Variants in KLK6 observed in about 807,000 individuals in gnomAD.
KLK6 encodes kallikrein related peptidase 6, also known as kallikrein-6.
A neutral mutation model predicts 21.7 loss-of-function variants in KLK6; 16 were observed. That is an observed-to-expected ratio of 0.74 (90% CI 0.50 to 1.12). The LOEUF is 1.12. Ranked by LOEUF, KLK6 falls within the 50% of genes most tolerant of loss-of-function variation. KLK6 has a pLI of 0.00. For synonymous variants in KLK6, 116 were observed against 120.1 expected, an observed-to-expected ratio of 0.97 and a Z score of 0.22; for missense variants, 276 against 304.6, an observed-to-expected ratio of 0.91 and a Z score of 0.70.
At chr19:50,967,146 G>T in intron 4 of KLK6, 23 bp downstream of exon 4, 1 of 1,613,694 alleles carries the variant, frequency 6.2e-7, no homozygotes, top group Non-Finnish European at 8.5e-7. Flanking sequence ...CGCATCTGCT[G>T]TTCATTTACA....
chr19:50,961,942 T>C lies in KLK6; in HGVS notation c.446-62A>G, dbSNP rs957000088. The C allele has an allele frequency of 2.6e-6, 4 of 1,538,756 alleles. No homozygotes were observed. The African/African-American group carries it at 6.0e-5, about 23-fold the overall frequency. ...CTTGCACTCCCCTCATCCTCCCCAG[T>C]CACCCCCCAACCCCTATAAGTCCTC... On this transcript the variant is annotated intron_variant, in intron 5 of 6. Transcript: ENST00000310157.
chr19:50,968,160 C>T (rs1486396984), intron 2 of KLK6, 48 bp from the exon 3 acceptor site: 2 of 1,539,728 alleles, frequency 1.3e-6, no homozygotes, highest in Admixed American at 3.3e-5. Flanking sequence ...TCGACCCTCC[C>T]CCCATCCCTC....
At chr19:50,966,340 A>G (rs2090925297) in intron 4 of KLK6, among the ~76,000 whole-genome samples, 1 of 152,150 alleles carries the variant, frequency 6.6e-6, no homozygotes, top group Non-Finnish European at 1.5e-5. Flanking sequence ...TCAGTCTCAG[A>G]ATTCCACATC....
intron 4 of KLK6, among the ~76,000 whole-genome samples, chr19:50,964,528 G>A (rs1336942364): frequency 6.6e-6 from 1 of 152,170 alleles, no homozygotes; most frequent in East Asian, 1.9e-4. Context: ...CTGAGTACTT[G>A]AAATGTGGCT....
chr19:50,961,734 G>A lies in KLK6; in HGVS notation c.582+10C>T. On this transcript the variant is annotated intron_variant, in intron 6 of 6. Transcript: ENST00000310157. ...CTGGCTGTGTAAGTGGCAGATCCGGGTCACCTCACCTGGCAGGAATCCTTC... is the reference window on the plus strand; with the variant it reads ...CTGGCTGTGTAAGTGGCAGATCCGGATCACCTCACCTGGCAGGAATCCTTC... 1 of 1,612,006 alleles carries A rather than the reference G, an allele frequency of 6.2e-7. No homozygotes were observed. The highest frequency in any genetic ancestry group is 8.5e-7 in the Non-Finnish European group (1 of 1,178,940).
At chr19:50,966,165 C>T (rs919656013) in intron 4 of KLK6, among the ~76,000 whole-genome samples, 1 of 152,170 alleles carries the variant, frequency 6.6e-6, no homozygotes, top group African/African-American at 2.4e-5. Flanking sequence ...GTGGCTAAAG[C>T]AAAATGTCAG....
intron 4 of KLK6, among the ~76,000 whole-genome samples, chr19:50,966,475 G>A (rs1444612421): frequency 6.6e-6 from 1 of 152,220 alleles, no homozygotes; most frequent in Non-Finnish European, 1.5e-5. Flanking sequence ...CCCAGACCAC[G>A]TTCCACGTGG....
At chr19:50,964,249 T>C (rs2090892365) in intron 4 of KLK6, among the ~76,000 whole-genome samples, 1 of 152,210 alleles carries the variant, frequency 6.6e-6, no homozygotes, top group South Asian at 2.1e-4. Context: ...TTCCTTTAAA[T>C]GTCGCCTCTC....
In KLK6 at chr19:50,968,114, T is replaced by G; in HGVS notation, c.-8-2A>C. Reference sequence around the variant, plus strand: ...CCATCAGCTTCTTCATGGCCGCTCCTGAGAGGGGAAGCCACATGGTCCATT... The same window carrying G: ...CCATCAGCTTCTTCATGGCCGCTCCGGAGAGGGGAAGCCACATGGTCCATT... On this transcript the variant is annotated splice_acceptor_variant, in intron 2 of 6. Coordinates refer to ENST00000310157, the MANE Select transcript of KLK6 (RefSeq NM_002774.4). LOFTEE classifies it low-confidence loss of function (5UTR_SPLICE). 1 of 1,613,960 alleles carries G rather than the reference T, an allele frequency of 6.2e-7. No individual in the cohort carries two copies. Among genetic ancestry groups the G allele is most frequent in the Non-Finnish European group, 8.5e-7 (1 of 1,179,876 alleles).
chr19:50,961,968 C>A, intron 5 of KLK6, 88 bp from the exon 6 acceptor site: 1 of 1,423,094 alleles, frequency 7.0e-7, no homozygotes. Flanking sequence ...ATAAGTCCTC[C>A]ATCCTCTATT....
chr19:50,966,850 T>G (rs2090934247), intron 4 of KLK6, among the ~76,000 whole-genome samples: 2 of 152,120 alleles, frequency 1.3e-5, no homozygotes, highest in African/African-American at 4.8e-5. Context: ...CTTCCTACTG[T>G]GCTCAGAATT....
intron 6 of KLK6, 80 bp from the exon 7 acceptor site, chr19:50,959,396 TG>T (rs1226244163): frequency 2.5e-5 from 29 of 1,172,420 alleles, no homozygotes; most frequent in African/African-American, 3.5e-5. Flanking sequence ...TGTGTGTGTG[TG>T]TGTGTGTGTG....
Position 50,959,013 on chromosome 19 carries a change from C to G in KLK6, c.*151G>C, listed in dbSNP as rs769199720. 9.9e-5 allele frequency: 80 copies of G among 809,590 alleles called. No homozygotes were observed. Among genetic ancestry groups the G allele is most frequent in the Non-Finnish European group, 6.7e-5 (33 of 490,308 alleles). The allele number at this position is 809,590 out of a possible 1,614,324, so 50.2% of individuals were successfully genotyped here. ...TGCAAGGATGGAGCTGGGGTAAAAC[C>G]AGGGAGAATCAGGACCCTCACGTCG... is the stretch of plus-strand genomic sequence containing the variant. On this transcript the variant is annotated 3_prime_UTR_variant, in exon 7 of 7. Coordinates refer to ENST00000310157, the MANE Select transcript of KLK6 (RefSeq NM_002774.4).
rs564163261 is a variant in KLK6, at chr19:50,965,094, TTTTG to T, written c.198-1549_198-1546del. Among the ~76,000 whole-genome samples, 157 of 152,314 alleles carry T rather than the reference TTTTG, an allele frequency of 1.0e-3. 2 individuals carry two copies. Among genetic ancestry groups the T allele is most frequent in the African/African-American group, 3.6e-3 (148 of 41,580 alleles). ...TATGGGGTTTTGAAGGGTTTGCTTC[TTTTG>T]TTTGTTTGTTTTTTTGAGACAGGGT... On this transcript the variant is annotated intron_variant, in intron 4 of 6. Coordinates refer to ENST00000310157, the MANE Select transcript of KLK6 (RefSeq NM_002774.4).
In KLK6 at chr19:50,967,342, C is replaced by G; in HGVS notation, c.41-17G>C. The G allele has an allele frequency of 1.3e-6, 2 of 1,583,762 alleles. No homozygotes were observed. Among genetic ancestry groups the G allele is most frequent in the Admixed American group, 1.8e-5 (1 of 56,578 alleles). ...CTGCCCAGGCTGAGGGAGAGAAGAT[C>G]TGAGTCAGAGAGGAGTTCTGGAGAA... On this transcript the variant is annotated splice_polypyrimidine_tract_variant and intron_variant, in intron 3 of 6. Transcript: ENST00000310157.
chr19:50,959,081 AG>A lies in KLK6; in HGVS notation c.*82del. On this transcript the variant is annotated 3_prime_UTR_variant, in exon 7 of 7. Transcript: ENST00000310157. ...CAGGGTCAGAGCTGGGCAGGAGAGG[AG>A]GGGAGGCAAGGTCTAGGTGAGAGAC... is the stretch of plus-strand genomic sequence containing the variant. 1.4e-6 allele frequency: 2 copies of A among 1,462,826 alleles called. No individual in the cohort carries two copies. The highest frequency in any genetic ancestry group is 1.2e-5 in the South Asian group (1 of 85,006). 90.6% of individuals were successfully genotyped at this position (1,462,826 alleles called of 1,614,324 possible).
chr19:50,966,494 G>A (rs1355280444), intron 4 of KLK6, among the ~76,000 whole-genome samples: 2 of 152,196 alleles, frequency 1.3e-5, no homozygotes, highest in African/African-American at 4.8e-5. Flanking sequence ...GGTAGCCAGG[G>A]TGCTTGTAAA....
intron 6 of KLK6, among the ~76,000 whole-genome samples, chr19:50,960,002 GAAGGAA>G (rs2090804873): frequency 9.2e-6 from 1 of 108,126 alleles, no homozygotes; most frequent in Non-Finnish European, 1.9e-5. Flanking sequence ...AGGAAGAGGA[GAAGGAA>G]GAGGAGAAGG....
chr19:50,967,296 G>C lies in KLK6; in HGVS notation c.70C>G (p.His24Asp). ...GATGTCTTGTCGCAGGGTCCGCCAT[G>C]CACCAACTTATTCTGCTCCTCTGCC... ...AWAEEQNKLV[H>D]GGPCDKTSHP... The change falls in exon 4 of 7, where the codon CAT (histidine) becomes GAT (aspartate). Residue 24 changes from histidine (H) to aspartate (D), a missense_variant. Transcript: ENST00000310157. 2 of 1,612,972 alleles carry C rather than the reference G, an allele frequency of 1.2e-6. No individual in the cohort carries two copies. Among genetic ancestry groups the C allele is most frequent in the African/African-American group, 2.7e-5 (2 of 74,966 alleles).
Sources: gnomAD v4.1 joint callset for allele counts (sites outside exome capture counted in the v4.1 genomes callset) on GRCh38, gnomAD v4.1.1 for gene constraint, MANE v1.5 for transcripts, NCBI Gene and HGNC (gene_info 2026-07-23, HGNC 2026-07-21) for gene names.